Variants in PSIP1 observed in about 807,000 individuals in gnomAD.
PSIP1 encodes PC4 and SFRS1-interacting protein.
PSIP1 carries 19 observed loss-of-function variants against 74.7 expected under a neutral mutation model. That is an observed-to-expected ratio of 0.25 (90% CI 0.18 to 0.37). PSIP1 has a LOEUF of 0.37. Ranked by LOEUF, PSIP1 falls within the 10% of genes least tolerant of loss-of-function variation. The pLI is 1.00. For missense variants in PSIP1, 601 were observed against 614.3 expected, an observed-to-expected ratio of 0.98 and a Z score of 0.23; for synonymous variants, 222 against 195.3, an observed-to-expected ratio of 1.14 and a Z score of -1.14.
Position 15,484,132 on chromosome 9 carries a change from C to CAA in PSIP1, c.456+1872_456+1873dup, listed in dbSNP as rs533395028. ...GGGTGACAGAATGAAACTCTGTATC[C>CAA]AAAAAAAAAAAAAAACAAATTTATA... On this transcript the variant is annotated intron_variant, in intron 6 of 15. Transcript: ENST00000380733. Among the ~76,000 whole-genome samples, 305 of 52,474 alleles carry CAA rather than the reference C, an allele frequency of 5.8e-3. 3 individuals are homozygous for CAA. The highest frequency in any genetic ancestry group is 0.018 in the African/African-American group (288 of 16,364). The allele number at this position is 52,474 out of a possible 152,430, so 34.4% of individuals were successfully genotyped here.
rs1237608411 is a variant in PSIP1, at chr9:15,468,701, T to C, written c.1349A>G (p.His450Arg). 1.2e-6 allele frequency: 2 copies of C among 1,614,172 alleles called. No individual in the cohort carries two copies. Among genetic ancestry groups the C allele is most frequent in the South Asian group, 1.1e-5 (1 of 91,078 alleles). Reference sequence around the variant, plus strand: ...ATCTTTGGTTTTATTCGCTTCCTCATGCTGTCTTTGTTCAGCAAGAGATTT... The same window carrying C: ...ATCTTTGGTTTTATTCGCTTCCTCACGCTGTCTTTGTTCAGCAAGAGATTT... ...LNKSLAEQRQHEEANKTKDQG... is the reference protein window; with the variant it reads ...LNKSLAEQRQREEANKTKDQG... The change falls in exon 14 of 16, where the codon CAT becomes CGT. Residue 450 changes from histidine (H) to arginine (R), a missense_variant. Transcript: ENST00000380733.
At chr9:15,473,930 A>AG in intron 9 of PSIP1, 79 bp downstream of exon 9, 2 of 956,550 alleles carry the variant, frequency 2.1e-6, no homozygotes, top group South Asian at 2.6e-5. Flanking sequence ...AAAAAAACAA[A>AG]AAAAAAACAA....
chr9:15,483,894 G>A (rs1364423711), intron 6 of PSIP1, among the ~76,000 whole-genome samples: 1 of 152,150 alleles, frequency 6.6e-6, no homozygotes, highest in Non-Finnish European at 1.5e-5. Context: ...TTGGGAGGCA[G>A]AGGTGAGCAG....
At chr9:15,504,674 A>T (rs536980661) in intron 3 of PSIP1, among the ~76,000 whole-genome samples, 9 of 151,610 alleles carry the variant, frequency 5.9e-5, no homozygotes, top group Non-Finnish European at 1.2e-4. Context: ...GAGGCGGAGC[A>T]TGCAGTGAGC....
rs576652431 is a variant in PSIP1, at chr9:15,495,526, T to C, written c.150-5402A>G. On this transcript the variant is annotated intron_variant, in intron 3 of 15. Coordinates refer to ENST00000380733, the MANE Select transcript of PSIP1 (RefSeq NM_033222.5). ...CTTAGTATGCTGTAACTTAAAACATTAGGAACACTGATATTAAAGTGTATC... is the reference window on the plus strand; with the variant it reads ...CTTAGTATGCTGTAACTTAAAACATCAGGAACACTGATATTAAAGTGTATC... Among the ~76,000 whole-genome samples the C allele has an allele frequency of 3.3e-5, 5 of 152,262 alleles. No individual in the cohort carries two copies. In the South Asian group the frequency reaches 6.2e-4, roughly 19 times the overall value.
At chr9:15,475,891 T>C (rs2132067761) in intron 8 of PSIP1, among the ~76,000 whole-genome samples, 1 of 152,266 alleles carries the variant, frequency 6.6e-6, no homozygotes, top group Non-Finnish European at 1.5e-5. Flanking sequence ...TTAATATATG[T>C]TAATATAAGC....
intron 3 of PSIP1, among the ~76,000 whole-genome samples, chr9:15,496,637 C>G (rs1445665426): frequency 6.6e-6 from 1 of 152,206 alleles, no homozygotes; most frequent in African/African-American, 2.4e-5. Context: ...CTCCCAGATT[C>G]AGATTTACAA....
intron 3 of PSIP1, among the ~76,000 whole-genome samples, chr9:15,504,254 G>A (rs2037479959): frequency 6.6e-6 from 1 of 152,098 alleles, no homozygotes; most frequent in Admixed American, 6.6e-5. Context: ...TTGAATATTA[G>A]TAATTCACTG....
At position 15,465,240 on chromosome 9, in the gene PSIP1, A is replaced by T. The variant is rs2035538181; in HGVS notation, c.*280T>A. 3 of 362,108 alleles carry T rather than the reference A, an allele frequency of 8.3e-6. No homozygotes were observed. Among genetic ancestry groups the T allele is most frequent in the Non-Finnish European group, 1.5e-5 (3 of 203,076 alleles). 22.4% of individuals were successfully genotyped at this position (362,108 alleles called of 1,614,324 possible). A position where few individuals can be genotyped will look rare whatever the true frequency, so the allele number is the denominator to read the frequency against. ...CTATCAATTACACATTAACATACAC[A>T]CACTAATTGAAAATATGCTACAACC... On this transcript the variant is annotated 3_prime_UTR_variant, in exon 16 of 16. Transcript: ENST00000380733.
rs573418950 is a variant in PSIP1 at position 15,468,869 on chromosome 9, T to G, written c.1207-26A>C. The G allele has an allele frequency of 2.5e-6, 4 of 1,605,038 alleles. No individual in the cohort carries two copies. The South Asian group carries it at 4.4e-5, about 18-fold the overall frequency. Reference sequence around the variant, plus strand: ...CTGAGAAAACAATATACATTCATCATAATTGTTTTCCTAATTGATTTTTTA... The same window carrying G: ...CTGAGAAAACAATATACATTCATCAGAATTGTTTTCCTAATTGATTTTTTA... On this transcript the variant is annotated intron_variant, in intron 13 of 15. Transcript: ENST00000380733.
intron 2 of PSIP1, among the ~76,000 whole-genome samples, chr9:15,509,753 T>G (rs979842998): frequency 3.9e-5 from 6 of 152,240 alleles, no homozygotes; most frequent in Admixed American, 2.0e-4. Context: ...CATTGATATT[T>G]TGTACTTGAT....
rs368599624 is a variant in PSIP1 at position 15,467,335 on chromosome 9, G to A, written c.1421-476C>T. ...AATAAAGGGGGTTTTCCTGTAAGTC[G>A]TATTAATAATTCTCTAAGGGGACCC... On this transcript the variant is annotated intron_variant, in intron 14 of 15. Transcript: ENST00000380733. Among the ~76,000 whole-genome samples, 9 of 152,132 alleles carry A rather than the reference G, an allele frequency of 5.9e-5. No individual in the cohort carries two copies. The East Asian group carries it at 9.7e-4, about 16-fold the overall frequency.
rs1389000653 is a variant in PSIP1, at chr9:15,500,356, T to C, written c.149+6205A>G. On this transcript the variant is annotated intron_variant, in intron 3 of 15. Transcript: ENST00000380733. ...GGCGAGCGCCTGTAGTCCCAGCTAC[T>C]TGGGAGGCTGAGGCAGGAGAATGAC... is the stretch of plus-strand genomic sequence containing the variant. Among the ~76,000 whole-genome samples, 3 of 152,028 alleles carry C rather than the reference T, an allele frequency of 2.0e-5. No homozygotes were observed. The East Asian group carries it at 5.8e-4, about 29-fold the overall frequency.
intron 8 of PSIP1, among the ~76,000 whole-genome samples, chr9:15,476,035 T>C (rs1026601847): frequency 1.3e-5 from 2 of 152,140 alleles, no homozygotes; most frequent in South Asian, 2.1e-4. Flanking sequence ...GACAAAGAAG[T>C]AGACGCTAAG....
In PSIP1 at chr9:15,464,737, C is replaced by T. The variant is rs998277971; in HGVS notation, c.*783G>A. 1 of 204,046 alleles carries T rather than the reference C, an allele frequency of 4.9e-6. No individual in the cohort carries two copies. The highest frequency in any genetic ancestry group is 2.3e-5 in the African/African-American group (1 of 43,754). 12.6% of individuals were successfully genotyped at this position (204,046 alleles called of 1,614,324 possible). On this transcript the variant is annotated 3_prime_UTR_variant, in exon 16 of 16. Coordinates refer to ENST00000380733, the MANE Select transcript of PSIP1 (RefSeq NM_033222.5). The stretch of plus-strand genomic sequence containing the variant: ...TTCAGTTTTAGTTACTAGTGCCTGC[C>T]TATAAAAGGACCTTAAATGATTTAA...
chr9:15,508,540 A>AT (rs747530827), intron 2 of PSIP1, among the ~76,000 whole-genome samples: 84 of 152,202 alleles, frequency 5.5e-4, no homozygotes, highest in Middle Eastern at 3.4e-3. Context: ...GATTTGGGAG[A>AT]TTTTTTAAAC....
Position 15,489,987 on chromosome 9 carries a change from T to C in PSIP1, c.287A>G (p.Gln96Arg). ...NNPKVKFSSQ[Q>R]AATKQSNASS... is the part of the protein sequence containing the mutation. ...CAAATTTTATGTAATATGACTTACC[T>C]GTTGACTTGAAAATTTCACTTTTGG... is the stretch of plus-strand genomic sequence containing the variant. The change falls in exon 4 of 16, where the codon CAG becomes CGG. Residue 96 changes from glutamine to arginine, a missense_variant and splice_region_variant. Transcript: ENST00000380733. The C allele has an allele frequency of 2.6e-6, 4 of 1,567,558 alleles. No individual in the cohort carries two copies. The highest frequency in any genetic ancestry group is 3.5e-6 in the Non-Finnish European group (4 of 1,157,216).
At chr9:15,472,092 AT>A in intron 10 of PSIP1, 1 of 982,236 alleles carries the variant, frequency 1.0e-6, no homozygotes, top group Non-Finnish European at 1.2e-6. Flanking sequence ...CTCTATAAGT[AT>A]CAAAATTTAA....
chr9:15,493,917 A>G lies in PSIP1; in HGVS notation c.150-3793T>C, dbSNP rs369664437. ...AAACCATATCAGTAGGTCAGGGACC[A>G]TCTGTACATATATATTTAGATACAT... On this transcript the variant is annotated intron_variant, in intron 3 of 15. Transcript: ENST00000380733. Among the ~76,000 whole-genome samples, 327 of 152,320 alleles carry G rather than the reference A, an allele frequency of 2.1e-3. 17 individuals are homozygous for G. The South Asian group carries it at 0.062, about 29-fold the overall frequency.
Sources: gnomAD v4.1 joint callset for allele counts (sites outside exome capture counted in the v4.1 genomes callset) on GRCh38, gnomAD v4.1.1 for gene constraint, MANE v1.5 for transcripts, NCBI Gene and HGNC (gene_info 2026-07-23, HGNC 2026-07-21) for gene names.